SCML2: variants seen among roughly 807,000 people sequenced by gnomAD.
The protein encoded by SCML2 is sex comb on midleg-like protein 2.
A neutral mutation model predicts 48.4 loss-of-function variants in SCML2; 6 were observed. That is an observed-to-expected ratio of 0.12 (90% CI 0.07 to 0.24). SCML2 has a LOEUF of 0.24. Ranked by LOEUF, SCML2 falls within the 10% of genes least tolerant of loss-of-function variation. The pLI is 1.00. For missense variants in SCML2, 377 were observed against 528.2 expected (o/e 0.71, Z 2.81); for synonymous variants, 181 against 189.5 (o/e 0.95, Z 0.37).
At chrX:18,272,000 C>T (rs1243363384) in intron 7 of SCML2, among the ~76,000 whole-genome samples, 5 of 110,312 alleles carry the variant, frequency 4.5e-5, no homozygotes, top group South Asian at 8.0e-4. Context: ...GTATAAACCC[C>T]GTGAGCTTCC....
chrX:18,317,990 C>T (rs889238860), intron 6 of SCML2, among the ~76,000 whole-genome samples: 2 of 111,404 alleles, frequency 1.8e-5, no homozygotes, highest in Non-Finnish European at 3.8e-5. Flanking sequence ...CCCCCCACCA[C>T]ATGAATTACT....
chrX:18,259,881 A>T (rs1429399100), intron 9 of SCML2, among the ~76,000 whole-genome samples: 2 of 111,807 alleles, frequency 1.8e-5, no homozygotes, highest in Non-Finnish European at 1.9e-5. Context: ...AGATAAAGGG[A>T]AAACAAGAAT....
chrX:18,326,895 C>T (rs1929498269), intron 3 of SCML2, among the ~76,000 whole-genome samples: 1 of 110,829 alleles, frequency 9.0e-6, no homozygotes, highest in Non-Finnish European at 1.9e-5. Context: ...ATAAATGGCA[C>T]GTTATAAAAC....
chrX:18,302,103 A>G (rs113620508), intron 7 of SCML2, among the ~76,000 whole-genome samples: 30,106 of 110,063 alleles, frequency 0.27, 3,601 homozygotes, highest in African/African-American at 0.45. Context: ...AGACAGAGGA[A>G]GCAGATCTCA....
rs1462059007 is a variant in SCML2 at position 18,321,765 on chromosome X, C to A, written c.398-1345G>T. ...CCATATTATCCTATTCCATCATGTG[C>A]CCAGATTTTCCTAAATGTAACATTT... On this transcript the variant is annotated intron_variant, in intron 5 of 14. Transcript: ENST00000251900. Among the ~76,000 whole-genome samples the A allele has an allele frequency of 2.7e-5, 3 of 110,885 alleles. No homozygotes were observed. In the East Asian group the frequency reaches 8.5e-4, roughly 31 times the overall value.
chrX:18,296,682 C>T (rs1273077267), intron 7 of SCML2, among the ~76,000 whole-genome samples: 1 of 111,104 alleles, frequency 9.0e-6, no homozygotes, highest in Non-Finnish European at 1.9e-5. Context: ...CACATAGAAC[C>T]TATCGAGACT....
At chrX:18,272,101 C>T (rs1473558645) in intron 7 of SCML2, among the ~76,000 whole-genome samples, 1 of 111,150 alleles carries the variant, frequency 9.0e-6, no homozygotes, top group Non-Finnish European at 1.9e-5. Flanking sequence ...CTCCCTTCCC[C>T]CTACCTGTAT....
intron 7 of SCML2, among the ~76,000 whole-genome samples, chrX:18,278,430 TC>T (rs1927719363): frequency 9.0e-6 from 1 of 111,491 alleles, no homozygotes; most frequent in Non-Finnish European, 1.9e-5. Context: ...GGACCCTGCA[TC>T]CCCCATGGAC....
intron 1 of SCML2, among the ~76,000 whole-genome samples, chrX:18,351,253 C>A (rs1413917161): frequency 8.4e-5 from 9 of 106,757 alleles, no homozygotes; most frequent in Admixed American, 8.0e-4. Flanking sequence ...CTGGGCAACA[C>A]AGCGAGAGCC....
intron 10 of SCML2, among the ~76,000 whole-genome samples, chrX:18,257,756 C>T (rs942445298): frequency 2.8e-5 from 3 of 107,526 alleles, no homozygotes; most frequent in South Asian, 8.6e-4. Flanking sequence ...GGCATGATGG[C>T]GCATGCCTAT....
chrX:18,352,357 A>G (rs1930402987), intron 1 of SCML2, among the ~76,000 whole-genome samples: 2 of 111,997 alleles, frequency 1.8e-5, no homozygotes, highest in African/African-American at 6.5e-5. Context: ...TATGTTATCT[A>G]TTTGAACCAG....
chrX:18,241,257 G>GT lies in SCML2; in HGVS notation c.2096dup (p.Tyr699Ter). The change falls in exon 15 of 15, where the codon TAC (tyrosine) becomes TAAC (stop). Residue 699 changes from tyrosine to a stop codon, truncating the protein, a stop_gained and frameshift_variant. Coordinates refer to ENST00000251900, the MANE Select transcript of SCML2 (RefSeq NM_006089.3). LOFTEE classifies it high-confidence loss of function. ...YYIEKLKEGKYS is the reference protein window; with the variant it reads ...YYIEKLKEGK ...TCTAAACTTACACATTTTTTTAACT[G>GT]TATTTTCCTTCTTTAAGCTTTTCAA... 8.4e-7 allele frequency: 1 copy of GT among 1,190,624 alleles called. No homozygotes were observed. The highest frequency in any genetic ancestry group is 1.1e-6 in the Non-Finnish European group (1 of 884,450).
chrX:18,257,979 G>C (rs747108447), intron 10 of SCML2, 65 bp downstream of exon 10: 1 of 644,303 alleles, frequency 1.6e-6, no homozygotes, highest in East Asian at 3.8e-5. Flanking sequence ...GGAAGGGAAG[G>C]GGGAAGGGAA....
chrX:18,251,309 CAAAAAAAAAAAAAAAAA>C, intron 11 of SCML2, among the ~76,000 whole-genome samples: 1 of 6,766 alleles, frequency 1.5e-4, no homozygotes, highest in Non-Finnish European at 3.3e-4. Context: ...GATTCCATTG[CAAAAAAAAAAAAAAAAA>C]AAAAAAAAAA....
At chrX:18,321,597 T>TG (rs1289667729) in intron 5 of SCML2, among the ~76,000 whole-genome samples, 8 of 68,056 alleles carry the variant, frequency 1.2e-4, no homozygotes, top group Non-Finnish European at 1.3e-4. Context: ...ACACAATTGT[T>TG]GAAAAAAAAA....
intron 7 of SCML2, among the ~76,000 whole-genome samples, chrX:18,266,080 A>G (rs1011727926): frequency 1.8e-5 from 2 of 111,321 alleles, no homozygotes; most frequent in African/African-American, 6.5e-5. Context: ...CTAGCAACTT[A>G]CCTATTAGGA....
Position 18,247,798 on chromosome X carries a change from A to C in SCML2, c.1541T>G (p.Leu514Arg). Residue 514 changes from leucine (L) to arginine (R), a missense_variant, in exon 12 of 15, where the codon CTC becomes CGC. Leu to Arg is a moderately radical substitution (Grantham distance 102). Around this residue, in one of 3 missense-constraint regions of SCML2, gnomAD observed 299 missense variants for 425.5 expected, o/e 0.70. Coordinates refer to ENST00000251900, the MANE Select transcript of SCML2 (RefSeq NM_006089.3). ...VPYVVPLSPK[L>R]PKTKEYASEG... is the part of the protein sequence containing the mutation. ...AGACGCATACTCCTTTGTTTTGGGG[A>C]GCTTAGGAGAGAGAGGAACAACATA... The C allele has an allele frequency of 8.3e-7, 1 of 1,208,243 alleles. No individual in the cohort carries two copies. The highest frequency in any genetic ancestry group is 1.7e-5 in the African/African-American group (1 of 57,632).
chrX:18,266,263 C>T (rs1248749973), intron 7 of SCML2, among the ~76,000 whole-genome samples: 1 of 111,420 alleles, frequency 9.0e-6, no homozygotes, highest in Non-Finnish European at 1.9e-5. Flanking sequence ...TTGCTCTTGA[C>T]TTTTTTCAGA....
chrX:18,336,867 T>C (rs1265139254), intron 1 of SCML2, among the ~76,000 whole-genome samples: 1 of 111,795 alleles, frequency 8.9e-6, no homozygotes, highest in African/African-American at 3.2e-5. Flanking sequence ...AAAAAAAGAA[T>C]AATATGCTTA....
Sources: gnomAD v4.1 joint callset for allele counts (sites outside exome capture counted in the v4.1 genomes callset) on GRCh38, gnomAD v4.1.1 for gene constraint, gnomAD v4.1.1 regional missense constraint, MANE v1.5 for transcripts, NCBI Gene and HGNC (gene_info 2026-07-23, HGNC 2026-07-21) for gene names.